Variants in CNTN4 observed in about 807,000 individuals in gnomAD.
The protein encoded by CNTN4 is contactin 4.
A neutral mutation model predicts 122.5 loss-of-function variants in CNTN4; 77 were observed. That is an observed-to-expected ratio of 0.63 (90% CI 0.52 to 0.76). The LOEUF is 0.76. Among genes scored for constraint, CNTN4 ranks in the 30% least tolerant of loss-of-function variants. CNTN4 has a pLI of 0.00. For synonymous variants in CNTN4, 512 were observed against 447.0 expected (o/e 1.15, Z -1.83); for missense variants, 1,256 against 1,259.1 (o/e 1.00, Z 0.04).
intron 3 of CNTN4, among the ~76,000 whole-genome samples, chr3:2,384,176 C>T (rs2046145650): frequency 6.6e-6 from 1 of 152,024 alleles, no homozygotes; most frequent in South Asian, 2.1e-4. Context: ...GACTCAGTAA[C>T]CTTTAATTGC....
At chr3:2,550,867 ACATGTTATCTCT>A (rs1280190615) in intron 3 of CNTN4, among the ~76,000 whole-genome samples, 1 of 151,994 alleles carries the variant, frequency 6.6e-6, no homozygotes, top group African/African-American at 2.4e-5. Context: ...ACCAAACACC[ACATGTTATCTCT>A]CATAAGTGGG....
At chr3:2,872,391 A>G (rs182923038) in intron 8 of CNTN4, among the ~76,000 whole-genome samples, 259 of 152,146 alleles carry the variant, frequency 1.7e-3, no homozygotes, top group Non-Finnish European at 2.7e-3. Flanking sequence ...ATGAAAATTC[A>G]TTGTTTAGCC....
At chr3:3,013,942 T>C (rs570113965) in intron 14 of CNTN4, among the ~76,000 whole-genome samples, 1 of 152,224 alleles carries the variant, frequency 6.6e-6, no homozygotes, top group East Asian at 1.9e-4. Context: ...TGCCTCACTA[T>C]CTTTCCTACC....
At chr3:2,985,338 AT>A (rs1481002337) in intron 13 of CNTN4, 1 of 152,436 alleles carries the variant, frequency 6.6e-6, no homozygotes, top group East Asian at 1.9e-4. Flanking sequence ...TAATTTGTTT[AT>A]GAGCATCTCT....
chr3:2,536,527 G>A (rs535247134), intron 3 of CNTN4, among the ~76,000 whole-genome samples: 2 of 152,048 alleles, frequency 1.3e-5, no homozygotes, highest in Non-Finnish European at 2.9e-5. Context: ...TCCTATCGAG[G>A]TGAGGTCATA....
At chr3:2,719,494 G>A (rs147169586) in intron 4 of CNTN4, among the ~76,000 whole-genome samples, 5 of 152,210 alleles carry the variant, frequency 3.3e-5, no homozygotes, top group Admixed American at 6.5e-5. Flanking sequence ...CACCATGTTG[G>A]TCAGGCTGAT....
intron 4 of CNTN4, among the ~76,000 whole-genome samples, chr3:2,663,512 A>T (rs2084005905): frequency 2.0e-5 from 3 of 152,152 alleles, no homozygotes; most frequent in Admixed American, 2.0e-4. Context: ...TAAGGGTCTG[A>T]AGTATAGGAA....
chr3:2,898,168 T>C (rs1040309344), intron 10 of CNTN4, among the ~76,000 whole-genome samples: 2 of 152,232 alleles, frequency 1.3e-5, no homozygotes, highest in Non-Finnish European at 2.9e-5. Context: ...CCTGTAGATT[T>C]GCAAATGGCG....
intron 10 of CNTN4, among the ~76,000 whole-genome samples, chr3:2,899,829 C>A (rs2094153837): frequency 6.6e-6 from 1 of 151,912 alleles, no homozygotes; most frequent in African/African-American, 2.4e-5. Flanking sequence ...GGGTCATATT[C>A]CTGTAGATAA....
chr3:2,494,854 G>A (rs975474737), intron 3 of CNTN4, among the ~76,000 whole-genome samples: 1 of 152,074 alleles, frequency 6.6e-6, no homozygotes, highest in African/African-American at 2.4e-5. Context: ...TCCAAAGGGA[G>A]GAGAGTAAAA....
intron 3 of CNTN4, among the ~76,000 whole-genome samples, chr3:2,445,389 T>G (rs926592461): frequency 5.7e-5 from 5 of 87,274 alleles, no homozygotes; most frequent in African/African-American, 1.4e-4. Context: ...TGACAGCTAT[T>G]TTTAATTCTT....
intron 3 of CNTN4, among the ~76,000 whole-genome samples, chr3:2,414,474 C>G (rs930660363): frequency 6.6e-6 from 1 of 151,926 alleles, no homozygotes; most frequent in Non-Finnish European, 1.5e-5. Context: ...TAAAATGACT[C>G]TCAATAAAAT....
intron 3 of CNTN4, among the ~76,000 whole-genome samples, chr3:2,435,456 C>T (rs2048227395): frequency 1.3e-5 from 2 of 152,076 alleles, no homozygotes; most frequent in South Asian, 4.1e-4. Flanking sequence ...ATGTTCAGTA[C>T]AGACACAACC....
chr3:2,653,095 T>A (rs1215089687), intron 4 of CNTN4, among the ~76,000 whole-genome samples: 2 of 152,132 alleles, frequency 1.3e-5, no homozygotes, highest in African/African-American at 4.8e-5. Flanking sequence ...TTGTGTGGCT[T>A]ATAAATCAGT....
intron 2 of CNTN4, among the ~76,000 whole-genome samples, chr3:2,326,224 TCCCTA>T (rs1435684249): frequency 6.6e-6 from 1 of 152,180 alleles, no homozygotes; most frequent in Non-Finnish European, 1.5e-5. Flanking sequence ...AATTTCCCTG[TCCCTA>T]CTACCTTTGA....
At position 2,943,101 on chromosome 3, in the gene CNTN4, G is replaced by A. The variant is rs142111678; in HGVS notation, c.1358+17322G>A. Among the ~76,000 whole-genome samples, 869 of 152,246 alleles carry A rather than the reference G, an allele frequency of 5.7e-3. 3 individuals are homozygous for A. The highest frequency in any genetic ancestry group is 8.8e-3 in the Non-Finnish European group (602 of 68,028). Reference sequence around the variant, plus strand: ...ACTATACAGTAGGGCAAAGAGAAACGTGAGGGCAAATGTCAGAATGCCGCC... The same window carrying A: ...ACTATACAGTAGGGCAAAGAGAAACATGAGGGCAAATGTCAGAATGCCGCC... On this transcript the variant is annotated intron_variant, in intron 13 of 24. Transcript: ENST00000418658.
At chr3:2,622,005 C>A (rs1384336082) in intron 4 of CNTN4, among the ~76,000 whole-genome samples, 1 of 152,172 alleles carries the variant, frequency 6.6e-6, no homozygotes, top group Non-Finnish European at 1.5e-5. Flanking sequence ...TGTTTCAGTG[C>A]AGGAAATTCA....
At chr3:2,888,659 T>C (rs1431780436) in intron 10 of CNTN4, among the ~76,000 whole-genome samples, 7 of 152,132 alleles carry the variant, frequency 4.6e-5, no homozygotes, top group Admixed American at 1.3e-4. Context: ...CATATTTATA[T>C]ACATATGAAT....
chr3:2,816,316 T>C (rs1456124655), intron 6 of CNTN4, among the ~76,000 whole-genome samples: 8 of 149,354 alleles, frequency 5.4e-5, no homozygotes, highest in African/African-American at 2.0e-4. Context: ...ATCGTGGCAC[T>C]GCACTCCAGC....
Sources: gnomAD v4.1 joint callset for allele counts (sites outside exome capture counted in the v4.1 genomes callset) on GRCh38, gnomAD v4.1.1 for gene constraint, MANE v1.5 for transcripts, NCBI Gene and HGNC (gene_info 2026-07-23, HGNC 2026-07-21) for gene names.